RANBP2: variants seen among roughly 807,000 people sequenced by gnomAD.
RANBP2 encodes the protein E3 SUMO-protein ligase RanBP2.
RANBP2 carries 57 observed loss-of-function variants against 303.6 expected under a neutral mutation model. That is an observed-to-expected ratio of 0.19 (90% confidence interval 0.15 to 0.23). The LOEUF is 0.23. Among genes scored for constraint, RANBP2 ranks in the 10% least tolerant of loss-of-function variants. RANBP2 has a pLI of 1.00. For missense variants in RANBP2, 3,138 were observed against 3,780.8 expected, an observed-to-expected ratio of 0.83 and a Z score of 4.46; for synonymous variants, 1,167 against 1,301.5, an observed-to-expected ratio of 0.90 and a Z score of 2.23.
the RANBP2 span, among the ~76,000 whole-genome samples, chr2:109,062,726 G>A: frequency 3.9e-5 from 6 of 152,092 alleles, no homozygotes; most frequent in Non-Finnish European, 5.9e-5. Flanking sequence ...GTGAGACAGA[G>A]CACAGTGCAA....
the RANBP2 span, among the ~76,000 whole-genome samples, chr2:108,907,015 G>C: frequency 6.6e-6 from 1 of 152,240 alleles, no homozygotes; most frequent in African/African-American, 2.4e-5. Context: ...GCAGCCAGGG[G>C]CACAGGCTAG....
the RANBP2 span, among the ~76,000 whole-genome samples, chr2:108,911,308 C>G: frequency 1.3e-5 from 2 of 152,184 alleles, no homozygotes; most frequent in Admixed American, 6.5e-5. Flanking sequence ...CCAGACTTCT[C>G]TGGGGTCACC....
At chr2:108,807,204 A>G in the RANBP2 span, among the ~76,000 whole-genome samples, 2 of 152,246 alleles carry the variant, frequency 1.3e-5, no homozygotes, top group Admixed American at 6.5e-5. Context: ...ACTTTAAAAT[A>G]ATGATTAATA....
chr2:109,006,343 G>T, the RANBP2 span, among the ~76,000 whole-genome samples: 1 of 152,116 alleles, frequency 6.6e-6, no homozygotes, highest in East Asian at 1.9e-4. Context: ...ACAGGCGCTT[G>T]CCAACACGCT....
the RANBP2 span, among the ~76,000 whole-genome samples, chr2:109,028,458 G>A: frequency 6.6e-6 from 1 of 152,278 alleles, no homozygotes; most frequent in East Asian, 1.9e-4. Context: ...CCCGTTGCTG[G>A]GAGGCCTGTC....
downstream of RANBP2, chr2:108,786,753 C>A: frequency 7.0e-7 from 1 of 1,433,420 alleles, no homozygotes; most frequent in Non-Finnish European, 9.6e-7. Context: ...TCGTGACGCA[C>A]TGCGGCCGCG....
the RANBP2 span, among the ~76,000 whole-genome samples, chr2:109,461,648 T>G: frequency 4.3e-5 from 5 of 116,484 alleles, no homozygotes; most frequent in East Asian, 1.4e-3. Context: ...AGGCCCCACG[T>G]AGCATCCCTG....
the RANBP2 span, among the ~76,000 whole-genome samples, chr2:109,256,604 G>C: frequency 6.6e-6 from 1 of 152,158 alleles, no homozygotes; most frequent in Admixed American, 6.5e-5. Flanking sequence ...TGAGAGCTTC[G>C]AGGGGATTTG....
chr2:109,269,488 G>C, the RANBP2 span, among the ~76,000 whole-genome samples: 2 of 152,216 alleles, frequency 1.3e-5, no homozygotes, highest in African/African-American at 4.8e-5. Flanking sequence ...GTGCTTAAAA[G>C]ATAGTTGCCA....
chr2:109,565,981 C>T, the RANBP2 span: 1 of 868,352 alleles, frequency 1.2e-6, no homozygotes, highest in Non-Finnish European at 1.9e-6. Context: ...GAATGGTCAG[C>T]TATGCCTCAG....
the RANBP2 span, among the ~76,000 whole-genome samples, chr2:108,979,795 G>A: frequency 8.5e-5 from 13 of 152,182 alleles, no homozygotes; most frequent in African/African-American, 3.1e-4. Flanking sequence ...CTTGAATAGA[G>A]TTTCTTCACT....
chr2:109,600,506 C>T, the RANBP2 span, among the ~76,000 whole-genome samples: 1 of 151,806 alleles, frequency 6.6e-6, no homozygotes, highest in Non-Finnish European at 1.5e-5. Context: ...ACTGGACCTA[C>T]CTGCTTATAT....
the RANBP2 span, among the ~76,000 whole-genome samples, chr2:108,994,443 T>C: frequency 6.6e-6 from 1 of 152,218 alleles, no homozygotes; most frequent in Non-Finnish European, 1.5e-5. Context: ...AAGGTTCAAA[T>C]ACTAAATCTT....
rs760140197 is a variant in RANBP2, at chr2:108,777,217, C to T, written c.8585C>T (p.Ala2862Val). The change falls in exon 25 of 29, where the codon GCT becomes GTT. Residue 2862 changes from alanine (A) to valine (V), a missense_variant. Transcript: ENST00000283195. ...GCTTCCAGTAATTCTGGAGATTTTG[C>T]TTTTGGTTCTAAAGGTAAGATCAAG... is the stretch of plus-strand genomic sequence containing the variant. ...DLASSNSGDFAFGSKDKNFQW... is the reference protein window; with the variant it reads ...DLASSNSGDFVFGSKDKNFQW... The T allele has an allele frequency of 6.2e-7, 1 of 1,613,236 alleles. No individual in the cohort carries two copies. Among genetic ancestry groups the T allele is most frequent in the South Asian group, 1.1e-5 (1 of 91,056 alleles).
the RANBP2 span, among the ~76,000 whole-genome samples, chr2:108,977,952 T>C: frequency 2.0e-5 from 3 of 152,256 alleles, no homozygotes; most frequent in African/African-American, 7.2e-5. Context: ...ATCTATGGAC[T>C]CTGTGGATGC....
chr2:109,345,717 G>C, the RANBP2 span, among the ~76,000 whole-genome samples: 3 of 152,172 alleles, frequency 2.0e-5, no homozygotes, highest in Non-Finnish European at 4.4e-5. Context: ...AACTTTTAAA[G>C]TATTCGTAGA....
At chr2:109,370,102 G>A in the RANBP2 span, among the ~76,000 whole-genome samples, 11 of 152,296 alleles carry the variant, frequency 7.2e-5, no homozygotes, top group South Asian at 2.1e-4. Flanking sequence ...CCTGACTGCC[G>A]AAGGAGGGAT....
At chr2:109,603,068 C>G in the RANBP2 span, among the ~76,000 whole-genome samples, 1 of 151,656 alleles carries the variant, frequency 6.6e-6, no homozygotes, top group Non-Finnish European at 1.5e-5. Context: ...AAGGCCCTGT[C>G]TCAAAAACAA....
the RANBP2 span, among the ~76,000 whole-genome samples, chr2:109,701,508 G>T: frequency 2.6e-5 from 4 of 152,140 alleles, no homozygotes; most frequent in Admixed American, 6.5e-5. Flanking sequence ...AGAGACAAAA[G>T]GTTGCATTCC....
Sources: gnomAD v4.1 joint callset for allele counts (sites outside exome capture counted in the v4.1 genomes callset) on GRCh38, gnomAD v4.1.1 for gene constraint, MANE v1.5 for transcripts, NCBI Gene and HGNC (gene_info 2026-07-23, HGNC 2026-07-21) for gene names.